Variants in ADAM10 observed in about 807,000 individuals in gnomAD.
The protein encoded by ADAM10 is ADAM metallopeptidase domain 10.
ADAM10 carries 17 observed loss-of-function variants against 90.1 expected under a neutral mutation model. The observed-to-expected ratio is 0.19, with a 90% CI of 0.13 to 0.28. The LOEUF (loss-of-function observed/expected upper bound fraction) is 0.28, where lower values mean the gene tolerates loss of function less well. Ranked by LOEUF, ADAM10 falls within the 10% of genes least tolerant of loss-of-function variation. The pLI is 1.00. For missense variants in ADAM10, 610 were observed against 914.3 expected (o/e 0.67, Z 4.29); for synonymous variants, 310 against 298.6 (o/e 1.04, Z -0.40).
chr15:58,732,959 G>A (rs75285286), intron 1 of ADAM10: 2 of 152,580 alleles, frequency 1.3e-5, no homozygotes, highest in East Asian at 3.9e-4. Flanking sequence ...AAGAGAATTC[G>A]TGATGGAACA....
chr15:58,741,651 G>A (rs1331634110), intron 1 of ADAM10, among the ~76,000 whole-genome samples: 1 of 152,162 alleles, frequency 6.6e-6, no homozygotes, highest in African/African-American at 2.4e-5. Flanking sequence ...TCAACAGAGT[G>A]AGCCCTCTAT....
At chr15:58,731,181 C>A (rs1173677043) in intron 1 of ADAM10, among the ~76,000 whole-genome samples, 2 of 151,962 alleles carry the variant, frequency 1.3e-5, no homozygotes, top group African/African-American at 2.4e-5. Flanking sequence ...ACTGTGGATT[C>A]AAAATACTGA....
chr15:58,666,366 A>G (rs558626838), intron 4 of ADAM10, among the ~76,000 whole-genome samples: 1 of 151,788 alleles, frequency 6.6e-6, no homozygotes, highest in African/African-American at 2.4e-5. Flanking sequence ...ATGAGGCTAA[A>G]GAAAAACTAG....
intron 11 of ADAM10, among the ~76,000 whole-genome samples, chr15:58,614,915 A>T (rs1159533343): frequency 2.0e-5 from 3 of 152,204 alleles, no homozygotes; most frequent in African/African-American, 7.2e-5. Context: ...CACTACAGAA[A>T]ACTACCAAAC....
chr15:58,670,512 G>A (rs1487897408), intron 4 of ADAM10, among the ~76,000 whole-genome samples: 4 of 151,960 alleles, frequency 2.6e-5, no homozygotes, highest in African/African-American at 9.7e-5. Flanking sequence ...TTGGCAGGCT[G>A]GTAAATAATA....
At chr15:58,652,087 A>C (rs750404406) in intron 5 of ADAM10, among the ~76,000 whole-genome samples, 1 of 151,994 alleles carries the variant, frequency 6.6e-6, no homozygotes, top group African/African-American at 2.4e-5. Flanking sequence ...CCCATTTTTT[A>C]ATCAGATTAG....
chr15:58,682,416 T>G (rs1897466587), intron 2 of ADAM10, 102 bp from the exon 3 acceptor site: 5 of 1,483,004 alleles, frequency 3.4e-6, no homozygotes, highest in Admixed American at 4.7e-5. Flanking sequence ...TGGACTGTTA[T>G]GAAATTTGTC....
At chr15:58,675,385 T>C (rs1236566228) in intron 4 of ADAM10, among the ~76,000 whole-genome samples, 5 of 152,204 alleles carry the variant, frequency 3.3e-5, no homozygotes, top group African/African-American at 4.8e-5. Context: ...AGCTCTTGGA[T>C]AGGTAGTACA....
chr15:58,726,068 A>G (rs1359360624), intron 1 of ADAM10, among the ~76,000 whole-genome samples: 1 of 152,182 alleles, frequency 6.6e-6, no homozygotes, highest in Admixed American at 6.5e-5. Context: ...AAGCGAATAC[A>G]TTTTTTAAAC....
intron 2 of ADAM10, among the ~76,000 whole-genome samples, chr15:58,710,477 T>C (rs186433911): frequency 6.6e-6 from 1 of 152,314 alleles, no homozygotes; most frequent in Admixed American, 6.5e-5. Flanking sequence ...CCATTATCCC[T>C]TCAGATTTCT....
chr15:58,661,953 T>C (rs1405572819), intron 5 of ADAM10, among the ~76,000 whole-genome samples: 1 of 152,202 alleles, frequency 6.6e-6, no homozygotes, highest in Admixed American at 6.5e-5. Flanking sequence ...TTCTCTCCTT[T>C]TTGTGTTCAT....
rs200589804 is a variant in ADAM10, at chr15:58,749,669, G to C, written c.-135C>G. 1.4e-6 allele frequency: 2 copies of C among 1,473,848 alleles called. No homozygotes were observed. 91.3% of individuals were successfully genotyped at this position (1,473,848 alleles called of 1,614,324 possible). On this transcript the variant is annotated 5_prime_UTR_variant, in exon 1 of 16. Transcript: ENST00000260408. ...GACCTCCCCTGGCAGGAGAAACGGC[G>C]AAGCACCTCCCTCTCGCTCCACTTC... is the stretch of plus-strand genomic sequence containing the variant.
At chr15:58,708,362 TAAAA>T (rs201729027) in intron 2 of ADAM10, among the ~76,000 whole-genome samples, 2 of 148,048 alleles carry the variant, frequency 1.4e-5, no homozygotes, top group African/African-American at 5.0e-5. Flanking sequence ...TGGTGACAGA[TAAAA>T]AAAAAATAAT....
intron 2 of ADAM10, among the ~76,000 whole-genome samples, chr15:58,695,722 T>C (rs1595629145): frequency 6.6e-6 from 1 of 150,860 alleles, no homozygotes; most frequent in Non-Finnish European, 1.5e-5. Flanking sequence ...ACGGTATTGG[T>C]GGTAATCCCA....
intron 4 of ADAM10, among the ~76,000 whole-genome samples, chr15:58,671,466 T>C (rs1355409247): frequency 3.3e-5 from 5 of 152,228 alleles, no homozygotes; most frequent in Non-Finnish European, 7.3e-5. Context: ...CTATGAATTA[T>C]GCTATCAGAG....
In ADAM10 at chr15:58,682,554, T is replaced by C. The variant is rs1439028450; in HGVS notation, c.207-240A>G. On this transcript the variant is annotated intron_variant, in intron 2 of 15. Transcript: ENST00000260408. ...AACTGTCTAGGATGTTAAAAATAAATGCCTATAGACTGATTCTTACATGGT... is the reference window on the plus strand; with the variant it reads ...AACTGTCTAGGATGTTAAAAATAAACGCCTATAGACTGATTCTTACATGGT... Among the ~76,000 whole-genome samples the C allele has an allele frequency of 2.0e-5, 3 of 152,220 alleles. No homozygotes were observed. In the East Asian group the frequency reaches 5.8e-4, roughly 29 times the overall value.
At chr15:58,600,269 C>A (rs1473067415) in intron 14 of ADAM10, among the ~76,000 whole-genome samples, 3 of 152,046 alleles carry the variant, frequency 2.0e-5, no homozygotes, top group African/African-American at 7.2e-5. Context: ...GTTTTGATTG[C>A]GTTTATACTT....
chr15:58,614,222 T>C (rs1359133392), intron 11 of ADAM10, among the ~76,000 whole-genome samples: 3 of 151,740 alleles, frequency 2.0e-5, no homozygotes, highest in African/African-American at 4.9e-5. Flanking sequence ...AAGGCAGAGG[T>C]TGCAGTGAGC....
At chr15:58,600,259 G>C (rs377464351) in intron 14 of ADAM10, among the ~76,000 whole-genome samples, 2 of 152,200 alleles carry the variant, frequency 1.3e-5, no homozygotes, top group South Asian at 2.1e-4. Context: ...TATAGACTAT[G>C]TTTTGATTGC....
Sources: gnomAD v4.1 joint callset for allele counts (sites outside exome capture counted in the v4.1 genomes callset) on GRCh38, gnomAD v4.1.1 for gene constraint, MANE v1.5 for transcripts, NCBI Gene and HGNC (gene_info 2026-07-23, HGNC 2026-07-21) for gene names.